The following ADGRB3 variants were observed in gnomAD, a reference collection of about 807,000 sequenced individuals.
ADGRB3 encodes the protein adhesion G protein-coupled receptor B3, also known as brain-specific angiogenesis inhibitor 3.
ADGRB3 carries 37 observed loss-of-function variants against 193.4 expected under a neutral mutation model. The observed-to-expected ratio is 0.19, with a 90% CI of 0.15 to 0.25. The LOEUF is 0.25. Ranked by LOEUF, ADGRB3 falls within the 10% of genes least tolerant of loss-of-function variation. ADGRB3 has a pLI of 1.00. For missense variants in ADGRB3, 1,637 were observed against 1,852.9 expected, an observed-to-expected ratio of 0.88 and a Z score of 2.14; for synonymous variants, 690 against 644.2, an observed-to-expected ratio of 1.07 and a Z score of -1.08.
chr6:68,643,287 G>T (rs1042547039), intron 3 of ADGRB3, among the ~76,000 whole-genome samples: 13 of 152,056 alleles, frequency 8.5e-5, no homozygotes, highest in Admixed American at 8.5e-4. Flanking sequence ...GCGTGTGTAT[G>T]TGTTGTCATT....
At chr6:68,874,435 A>T (rs1285137995) in intron 3 of ADGRB3, among the ~76,000 whole-genome samples, 2 of 152,132 alleles carry the variant, frequency 1.3e-5, no homozygotes, top group African/African-American at 2.4e-5. Flanking sequence ...ACTTTAAAAC[A>T]TTCTTTTATC....
rs536402997 is a variant in ADGRB3 at position 69,098,365 on chromosome 6, A to T, written c.2480+22327A>T. 1.2e-4 allele frequency among the ~76,000 whole-genome samples: 19 copies of T among 152,310 alleles called. No individual in the cohort carries two copies. In the South Asian group the frequency reaches 3.5e-3, roughly 28 times the overall value. On this transcript the variant is annotated intron_variant, in intron 17 of 31. Transcript: ENST00000370598. ...CCACACTATGAGCTATAAACTTATTATGTATTAACTTGAGATGTTATGGGC... is the reference window on the plus strand; with the variant it reads ...CCACACTATGAGCTATAAACTTATTTTGTATTAACTTGAGATGTTATGGGC...
At chr6:68,931,846 A>G (rs1562090644) in intron 4 of ADGRB3, among the ~76,000 whole-genome samples, 2 of 152,168 alleles carry the variant, frequency 1.3e-5, no homozygotes, top group African/African-American at 2.4e-5. Context: ...AAATTTTACA[A>G]GGATTCACTT....
chr6:68,638,559 A>T, intron 2 of ADGRB3, 102 bp from the exon 3 acceptor site: 2 of 1,208,874 alleles, frequency 1.7e-6, no homozygotes, highest in Non-Finnish European at 2.3e-6. Flanking sequence ...AGGGCTTTTT[A>T]CTGAAATCTT....
At chr6:68,879,479 C>A (rs548001446) in intron 3 of ADGRB3, among the ~76,000 whole-genome samples, 1 of 152,014 alleles carries the variant, frequency 6.6e-6, no homozygotes, top group East Asian at 1.9e-4. Flanking sequence ...CCGCCCACCT[C>A]GGCCTCCCAA....
chr6:69,104,000 G>T (rs1429527111), intron 17 of ADGRB3, among the ~76,000 whole-genome samples: 2 of 151,784 alleles, frequency 1.3e-5, no homozygotes, highest in African/African-American at 4.8e-5. Flanking sequence ...TGGAATTTTT[G>T]TTTGTATCGT....
At chr6:69,182,409 A>G (rs1227619650) in intron 17 of ADGRB3, among the ~76,000 whole-genome samples, 3 of 68,634 alleles carry the variant, frequency 4.4e-5, no homozygotes, top group African/African-American at 1.0e-4. Context: ...CAACAACAAG[A>G]AAAAAAAAAA....
chr6:69,375,148 A>G (rs986450201), intron 30 of ADGRB3, among the ~76,000 whole-genome samples: 5 of 152,102 alleles, frequency 3.3e-5, no homozygotes, highest in African/African-American at 1.2e-4. Context: ...ATTTTTATTT[A>G]ATTTGCTACT....
intron 17 of ADGRB3, among the ~76,000 whole-genome samples, chr6:69,217,104 T>C (rs1259386097): frequency 1.3e-5 from 2 of 152,168 alleles, no homozygotes; most frequent in Non-Finnish European, 2.9e-5. Flanking sequence ...TCCAACTGAA[T>C]GAATGTGAGA....
intron 3 of ADGRB3, among the ~76,000 whole-genome samples, chr6:68,773,501 C>T (rs539959264): frequency 6.6e-6 from 1 of 152,248 alleles, no homozygotes; most frequent in East Asian, 1.9e-4. Context: ...TTCATGCATT[C>T]ATTAATTCAA....
At chr6:69,365,518 G>GA (rs1279168169) in intron 29 of ADGRB3, among the ~76,000 whole-genome samples, 1 of 152,044 alleles carries the variant, frequency 6.6e-6, no homozygotes, top group Non-Finnish European at 1.5e-5. Context: ...CCATCTTGCT[G>GA]AAATGTAAAC....
intron 15 of ADGRB3, among the ~76,000 whole-genome samples, chr6:69,054,874 A>G (rs1771499677): frequency 6.6e-6 from 1 of 152,180 alleles, no homozygotes; most frequent in Non-Finnish European, 1.5e-5. Flanking sequence ...AAATTTTGAT[A>G]AAGTACCCAA....
chr6:68,796,214 G>A (rs1321098556), intron 3 of ADGRB3, among the ~76,000 whole-genome samples: 3 of 151,716 alleles, frequency 2.0e-5, no homozygotes, highest in African/African-American at 4.8e-5. Context: ...CATCTAGATC[G>A]AGCTCTATAT....
intron 16 of ADGRB3, among the ~76,000 whole-genome samples, chr6:69,075,593 G>A (rs908912628): frequency 7.9e-5 from 12 of 152,044 alleles, no homozygotes; most frequent in African/African-American, 2.2e-4. Flanking sequence ...TTATACATGT[G>A]CATAATATAG....
At chr6:69,144,875 T>TATTCTTTC (rs1774438006) in intron 17 of ADGRB3, among the ~76,000 whole-genome samples, 1 of 39,044 alleles carries the variant, frequency 2.6e-5, no homozygotes, top group African/African-American at 7.9e-5. Flanking sequence ...TTTGTTTGAG[T>TATTCTTTC]GTTCTTTCTT....
At chr6:68,966,645 G>A (rs188019198) in intron 8 of ADGRB3, among the ~76,000 whole-genome samples, 2 of 152,120 alleles carry the variant, frequency 1.3e-5, no homozygotes, top group African/African-American at 4.8e-5. Flanking sequence ...TCTTCCCTAA[G>A]GTACTCCCAG....
Position 69,361,375 on chromosome 6 carries a change from G to C in ADGRB3, c.4102G>C (p.Ala1368Pro), listed in dbSNP as rs767038879. ...CAATATGAACTTAGAGCAACATCTC[G>C]CACCCCAGGAACATATGCAGAATTT... is the stretch of plus-strand genomic sequence containing the variant. ...QFNMNLEQHL[A>P]PQEHMQNLPF... Residue 1368 changes from alanine to proline, a missense_variant, in exon 29 of 32, where the codon GCA becomes CCA. Coordinates refer to ENST00000370598, the MANE Select transcript of ADGRB3 (RefSeq NM_001704.3). 6 of 1,612,908 alleles carry C rather than the reference G, an allele frequency of 3.7e-6. No individual in the cohort carries two copies. The highest frequency in any genetic ancestry group is 4.2e-6 in the Non-Finnish European group (5 of 1,179,214).
At chr6:69,356,591 T>A (rs1413789512) in intron 28 of ADGRB3, among the ~76,000 whole-genome samples, 1 of 152,120 alleles carries the variant, frequency 6.6e-6, no homozygotes, top group Non-Finnish European at 1.5e-5. Flanking sequence ...AACTTTCACA[T>A]GGAGACATAA....
At chr6:68,797,070 C>T (rs183014403) in intron 3 of ADGRB3, among the ~76,000 whole-genome samples, 2 of 152,180 alleles carry the variant, frequency 1.3e-5, no homozygotes, top group African/African-American at 4.8e-5. Context: ...TAGCTAGCAG[C>T]AAAAGTAAGC....
Sources: allele counts gnomAD v4.1 joint callset (sites outside exome capture counted in the v4.1 genomes callset), GRCh38; gene constraint gnomAD v4.1.1; transcripts MANE v1.5; gene names NCBI Gene and HGNC (gene_info 2026-07-23, HGNC 2026-07-21).